Variants in C3orf20 observed in about 807,000 individuals in gnomAD.
C3orf20 encodes family with sequence similarity 149 member C.
A neutral mutation model predicts 88.3 loss-of-function variants in C3orf20; 76 were observed. That is an observed-to-expected ratio of 0.86 (90% CI 0.72 to 1.04). The LOEUF (loss-of-function observed/expected upper bound fraction) is 1.04. Ranked by LOEUF, C3orf20 falls within the 50% of genes least tolerant of loss-of-function variation. The pLI, the probability that C3orf20 is intolerant of heterozygous loss-of-function variation, is 0.00. For missense variants in C3orf20, 1,056 were observed against 1,123.3 expected, an observed-to-expected ratio of 0.94 and a Z score of 0.86; for synonymous variants, 436 against 437.4, an observed-to-expected ratio of 1.00 and a Z score of 0.04.
At chr3:14,762,133 G>A (rs1013746689) in intron 15 of C3orf20, among the ~76,000 whole-genome samples, 4 of 152,106 alleles carry the variant, frequency 2.6e-5, no homozygotes, top group Non-Finnish European at 4.4e-5. Context: ...GTACAGTGAC[G>A]CGATCATAGC....
At chr3:14,733,317 A>G (rs1021725263) in intron 12 of C3orf20, among the ~76,000 whole-genome samples, 2 of 152,178 alleles carry the variant, frequency 1.3e-5, no homozygotes, top group African/African-American at 4.8e-5. Flanking sequence ...TGTATTCCTG[A>G]CATAAACTCA....
At chr3:14,683,473 C>T (rs954442023) in intron 3 of C3orf20, among the ~76,000 whole-genome samples, 4 of 152,070 alleles carry the variant, frequency 2.6e-5, no homozygotes, top group African/African-American at 9.7e-5. Flanking sequence ...TGCTGAGGTG[C>T]GGAGACAGCA....
At chr3:14,761,192 G>A (rs1056819744) in intron 14 of C3orf20, among the ~76,000 whole-genome samples, 1 of 151,374 alleles carries the variant, frequency 6.6e-6, no homozygotes, top group African/African-American at 2.4e-5. Context: ...TCCTCAGGTT[G>A]CCCAGGGAGA....
chr3:14,678,872 A>G (rs774149429), intron 1 of C3orf20, among the ~76,000 whole-genome samples: 5 of 152,212 alleles, frequency 3.3e-5, no homozygotes, highest in Non-Finnish European at 5.9e-5. Context: ...CAGTATTTGC[A>G]TGGAGTATTT....
chr3:14,724,505 C>G lies in C3orf20; in HGVS notation c.1567-2396C>G, dbSNP rs566355820. Among the ~76,000 whole-genome samples, 6 of 152,334 alleles carry G rather than the reference C, an allele frequency of 3.9e-5. No individual in the cohort carries two copies. The South Asian group carries it at 1.2e-3, about 32-fold the overall frequency. The stretch of plus-strand genomic sequence containing the variant: ...TCAAGCTGGAATTAGAAGTCTAGAG[C>G]TGTGCTGTCCAATATTGTAGCCATG... On this transcript the variant is annotated intron_variant, in intron 10 of 16. Coordinates refer to ENST00000253697, the MANE Select transcript of C3orf20 (RefSeq NM_032137.5).
intron 9 of C3orf20, 94 bp from the exon 10 acceptor site, chr3:14,721,559 G>A (rs2034159773): frequency 6.6e-7 from 1 of 1,516,764 alleles, no homozygotes. Flanking sequence ...TCTGCCCCAA[G>A]CCAACAGGGG....
intron 5 of C3orf20, among the ~76,000 whole-genome samples, chr3:14,691,419 G>A (rs1352722484): frequency 6.6e-6 from 1 of 152,200 alleles, no homozygotes; most frequent in South Asian, 2.1e-4. Context: ...GACACCTGGT[G>A]ATTTAATGAC....
At chr3:14,733,280 GAT>G (rs1297593406) in intron 12 of C3orf20, among the ~76,000 whole-genome samples, 1 of 151,978 alleles carries the variant, frequency 6.6e-6, no homozygotes, top group Non-Finnish European at 1.5e-5. Flanking sequence ...TATTAATATG[GAT>G]ATATTTCAGA....
At chr3:14,717,721 G>A (rs1201998865) in intron 9 of C3orf20, among the ~76,000 whole-genome samples, 3 of 152,052 alleles carry the variant, frequency 2.0e-5, no homozygotes, top group Non-Finnish European at 4.4e-5. Context: ...TCTTCAGCCT[G>A]AAGAACTTCT....
chr3:14,678,218 G>A (rs1205382267), intron 1 of C3orf20, among the ~76,000 whole-genome samples: 2 of 152,190 alleles, frequency 1.3e-5, no homozygotes, highest in African/African-American at 4.8e-5. Context: ...ACTCTGTGCT[G>A]CGTGTGTGCT....
intron 12 of C3orf20, among the ~76,000 whole-genome samples, chr3:14,744,875 TA>T (rs1318550865): frequency 6.6e-6 from 1 of 152,222 alleles, no homozygotes; most frequent in Non-Finnish European, 1.5e-5. Context: ...TTCTGGGAGA[TA>T]AATGCAAGTT....
At position 14,761,454 on chromosome 3, in the gene C3orf20, A is replaced by C. The variant is rs1335423914; in HGVS notation, c.2353-19A>C. The stretch of plus-strand genomic sequence containing the variant: ...GCTGATGTGCTGAGGATCTCTCCTC[A>C]TTTCCTTCCTGTCAACAGATGTTTG... On this transcript the variant is annotated intron_variant, in intron 14 of 16. Transcript: ENST00000253697. 2.5e-6 allele frequency: 4 copies of C among 1,613,812 alleles called. No homozygotes were observed. Among genetic ancestry groups the C allele is most frequent in the Admixed American group, 1.7e-5 (1 of 60,008 alleles).
chr3:14,709,332 T>C (rs1242471738), intron 7 of C3orf20, among the ~76,000 whole-genome samples: 6 of 152,204 alleles, frequency 3.9e-5, no homozygotes, highest in Admixed American at 3.9e-4. Flanking sequence ...ACTTCTTCCT[T>C]TCCAATTTTG....
chr3:14,690,839 G>A (rs991994678), intron 5 of C3orf20, among the ~76,000 whole-genome samples: 3 of 152,202 alleles, frequency 2.0e-5, no homozygotes, highest in Non-Finnish European at 4.4e-5. Context: ...GTGGGAGGGT[G>A]GATGGCAGGC....
intron 12 of C3orf20, among the ~76,000 whole-genome samples, chr3:14,755,801 G>A (rs2035345088): frequency 1.3e-5 from 2 of 152,096 alleles, no homozygotes; most frequent in East Asian, 1.9e-4. Flanking sequence ...AGGCCGAGGC[G>A]GGCAGATCAC....
chr3:14,729,167 C>T (rs543118824), intron 12 of C3orf20, among the ~76,000 whole-genome samples: 99 of 152,288 alleles, frequency 6.5e-4, no homozygotes, highest in Non-Finnish European at 1.2e-3. Context: ...GTATTCACTA[C>T]CTGGCTCTCT....
chr3:14,763,319 A>G (rs888333510), intron 15 of C3orf20, among the ~76,000 whole-genome samples: 6 of 152,182 alleles, frequency 3.9e-5, no homozygotes, highest in South Asian at 2.1e-4. Flanking sequence ...CAAGGCGCCA[A>G]TGGATTTGGT....
Position 14,726,942 on chromosome 3 carries a change from G to A in C3orf20, c.1608G>A (p.Lys536=). 6.2e-7 allele frequency: 1 copy of A among 1,614,166 alleles called. No individual in the cohort carries two copies. The highest frequency in any genetic ancestry group is 1.1e-5 in the South Asian group (1 of 91,078). The part of the protein sequence containing the change: ...RISNMDDKVY[K]MSRALAEIKK... ...GCAACATGGACGACAAGGTGTATAAGATGAGCCGAGCCCTGGCTGAGATCA... is the reference window on the plus strand; with the variant it reads ...GCAACATGGACGACAAGGTGTATAAAATGAGCCGAGCCCTGGCTGAGATCA... Residue 536 remains lysine, a synonymous_variant, in exon 11 of 17, where the codon AAG becomes AAA. Coordinates refer to ENST00000253697, the MANE Select transcript of C3orf20 (RefSeq NM_032137.5).
intron 12 of C3orf20, among the ~76,000 whole-genome samples, chr3:14,734,542 G>A (rs2124999121): frequency 6.6e-6 from 1 of 152,070 alleles, no homozygotes; most frequent in East Asian, 1.9e-4. Flanking sequence ...ATTGTGTTGT[G>A]GTCAGAGAAA....
Sources: allele counts gnomAD v4.1 joint callset (sites outside exome capture counted in the v4.1 genomes callset), GRCh38; gene constraint gnomAD v4.1.1; transcripts MANE v1.5; gene names NCBI Gene and HGNC (gene_info 2026-07-23, HGNC 2026-07-21).